The following CEP120 variants were observed in gnomAD, a reference collection of about 807,000 sequenced individuals.
CEP120 encodes the protein centrosomal protein 120.
A neutral mutation model predicts 126.5 loss-of-function variants in CEP120; 113 were observed. The observed-to-expected ratio is 0.89, with a 90% CI of 0.77 to 1.04. CEP120 has a LOEUF of 1.04. Among genes scored for constraint, CEP120 ranks in the 50% least tolerant of loss-of-function variants. CEP120 has a pLI of 0.00. For missense variants in CEP120, 1,230 were observed against 1,155.7 expected, an observed-to-expected ratio of 1.06 and a Z score of -0.93; for synonymous variants, 400 against 394.3, an observed-to-expected ratio of 1.01 and a Z score of -0.17.
At chr5:123,347,147 T>C (rs1341753830) in intron 19 of CEP120, among the ~76,000 whole-genome samples, 1 of 152,178 alleles carries the variant, frequency 6.6e-6, no homozygotes, top group Non-Finnish European at 1.5e-5. Context: ...TTTGAAAAAC[T>C]TGATACTACA....
At chr5:123,380,095 T>A (rs1771532597) in intron 14 of CEP120, among the ~76,000 whole-genome samples, 1 of 152,136 alleles carries the variant, frequency 6.6e-6, no homozygotes, top group East Asian at 1.9e-4. Flanking sequence ...ACATCGTTTT[T>A]TAAGACAAAT....
chr5:123,398,297 T>G (rs184089398), intron 5 of CEP120, among the ~76,000 whole-genome samples: 13 of 152,244 alleles, frequency 8.5e-5, no homozygotes, highest in Admixed American at 5.9e-4. Flanking sequence ...AGTTTTGTGT[T>G]GAGCCGCTGT....
intron 8 of CEP120, among the ~76,000 whole-genome samples, chr5:123,388,973 C>A (rs17150407): frequency 0.4 from 61,529 of 151,960 alleles, 12,521 homozygotes; most frequent in East Asian, 0.48. Flanking sequence ...AATGACATCA[C>A]CTTTTTACAG....
chr5:123,410,298 C>T (rs1234598012), intron 4 of CEP120, among the ~76,000 whole-genome samples: 2 of 152,018 alleles, frequency 1.3e-5, no homozygotes, highest in South Asian at 4.1e-4. Flanking sequence ...AATACAATCC[C>T]AATAAAAATC....
At chr5:123,363,604 C>A (rs1278094571) in intron 18 of CEP120, among the ~76,000 whole-genome samples, 2 of 151,422 alleles carry the variant, frequency 1.3e-5, no homozygotes, top group African/African-American at 4.8e-5. Context: ...TGCTTACAAT[C>A]CCAACTCCTC....
rs777687497 is a variant in CEP120 at position 123,349,981 on chromosome 5, G to T, written c.2689C>A (p.Arg897=). The T allele has an allele frequency of 6.8e-6, 11 of 1,613,294 alleles. No homozygotes were observed. Among genetic ancestry groups the T allele is most frequent in the Non-Finnish European group, 9.3e-6 (11 of 1,179,720 alleles). ...AEEKDTVKTE[R]QELLDIRNEL... ...TTTCTTATATCCAACAATTCTTGTC[G>T]CTCGGTTTTTACTGTATCTTTTTCC... Residue 897 remains arginine, a synonymous_variant, in exon 19 of 20, where the codon CGA becomes AGA. Transcript: ENST00000306467.
intron 14 of CEP120, among the ~76,000 whole-genome samples, chr5:123,379,657 AGTCT>A (rs1373549420): frequency 8.7e-4 from 132 of 152,212 alleles, no homozygotes; most frequent in Non-Finnish European, 9.7e-4. Context: ...TACAGTATCT[AGTCT>A]AAACTCTACA....
chr5:123,408,467 A>C (rs953838996), intron 4 of CEP120, among the ~76,000 whole-genome samples: 1 of 152,190 alleles, frequency 6.6e-6, no homozygotes, highest in East Asian at 1.9e-4. Context: ...TATTAAAATA[A>C]TAATAAAGGA....
chr5:123,397,314 G>A (rs1397735438), intron 5 of CEP120, among the ~76,000 whole-genome samples: 1 of 152,028 alleles, frequency 6.6e-6, no homozygotes. Flanking sequence ...ACAAGAGCGA[G>A]GCTCCACCTC....
chr5:123,423,228 C>T lies in CEP120; in HGVS notation c.-230G>A. On this transcript the variant is annotated 5_prime_UTR_variant, in exon 1 of 20. Transcript: ENST00000306467. ...CTGTGCCCCGACTCAAGGAAAAAGC[C>T]ACGCTGCAGCCCTGCCAGTCTGCAA... 1.8e-6 allele frequency: 1 copy of T among 564,666 alleles called. No individual in the cohort carries two copies. The highest frequency in any genetic ancestry group is 3.2e-6 in the Non-Finnish European group (1 of 315,320). 35.0% of individuals were successfully genotyped at this position (564,666 alleles called of 1,614,324 possible).
chr5:123,396,437 T>A (rs948702108), intron 5 of CEP120, among the ~76,000 whole-genome samples: 1 of 151,994 alleles, frequency 6.6e-6, no homozygotes, highest in Non-Finnish European at 1.5e-5. Context: ...TTTTTTTTTT[T>A]AAACTAAACT....
intron 6 of CEP120, among the ~76,000 whole-genome samples, chr5:123,391,596 T>C (rs1336157788): frequency 1.6e-5 from 2 of 125,986 alleles, no homozygotes; most frequent in Non-Finnish European, 3.6e-5. Context: ...TAATCATATG[T>C]TATTGCTTCT....
At chr5:123,384,166 C>CA (rs1353241829) in intron 11 of CEP120, among the ~76,000 whole-genome samples, 3 of 151,622 alleles carry the variant, frequency 2.0e-5, no homozygotes, top group Admixed American at 2.0e-4. Flanking sequence ...CTACTTACGA[C>CA]AAAAAAATGC....
At chr5:123,350,324 C>T (rs954089232) in intron 18 of CEP120, among the ~76,000 whole-genome samples, 1 of 152,176 alleles carries the variant, frequency 6.6e-6, no homozygotes, top group African/African-American at 2.4e-5. Context: ...AGCAATCCTC[C>T]TGCTTCGGCC....
Position 123,390,815 on chromosome 5 carries a change from A to G in CEP120, c.1038+295T>C, listed in dbSNP as rs1772341451. The G allele has an allele frequency of 2.5e-5, 7 of 275,036 alleles. No individual in the cohort carries two copies. The South Asian group carries it at 5.3e-4, about 21-fold the overall frequency. The allele number at this position is 275,036 out of a possible 1,614,324, so 17.0% of individuals were successfully genotyped here. On this transcript the variant is annotated intron_variant, in intron 7 of 19. Transcript: ENST00000306467. The stretch of plus-strand genomic sequence containing the variant: ...AGATTCCCAGAAACTAGGTCTAAAA[A>G]TGTTCTCTTTCACTGGAGTTCCTTT...
Position 123,423,027 on chromosome 5 carries a change from G to A in CEP120, c.-29C>T. 1.2e-6 allele frequency: 2 copies of A among 1,604,968 alleles called. No homozygotes were observed. The highest frequency in any genetic ancestry group is 1.7e-6 in the Non-Finnish European group (2 of 1,172,054). On this transcript the variant is annotated 5_prime_UTR_variant, in exon 1 of 20. Coordinates refer to ENST00000306467, the MANE Select transcript of CEP120 (RefSeq NM_001375405.1). ...TGCGGTGAGCGGTCCGGGGGCGAAGGCGGCTGGGGGGAAGTGAGGTCCAGT... is the reference window on the plus strand; with the variant it reads ...TGCGGTGAGCGGTCCGGGGGCGAAGACGGCTGGGGGGAAGTGAGGTCCAGT...
chr5:123,360,885 T>TATATTATTTTTTTGAAACTACCTCAA (rs1770028825), intron 18 of CEP120, among the ~76,000 whole-genome samples: 1 of 151,832 alleles, frequency 6.6e-6, no homozygotes, highest in Admixed American at 6.6e-5. Context: ...ACTGTTTACT[T>TATATTATTTTTTTGAAACTACCTCAA]ATATTATTTT....
At chr5:123,422,662 A>G (rs1405314804) in intron 1 of CEP120, 1 of 914,954 alleles carries the variant, frequency 1.1e-6, no homozygotes, top group Non-Finnish European at 1.7e-6. Context: ...CAGCTCATAT[A>G]TAAAAGCCAT....
intron 16 of CEP120, among the ~76,000 whole-genome samples, chr5:123,374,453 G>A (rs1173218308): frequency 6.6e-6 from 1 of 151,888 alleles, no homozygotes; most frequent in Non-Finnish European, 1.5e-5. Context: ...TTTTTAAAAA[G>A]GTACGAAGAT....
Sources: allele counts gnomAD v4.1 joint callset (sites outside exome capture counted in the v4.1 genomes callset), GRCh38; gene constraint gnomAD v4.1.1; transcripts MANE v1.5; gene names NCBI Gene and HGNC (gene_info 2026-07-23, HGNC 2026-07-21).